The following RCL1 variants were observed in gnomAD, a reference collection of about 807,000 sequenced individuals.
RCL1 encodes the protein RNA terminal phosphate cyclase like 1.
Under a neutral mutation model 42.4 loss-of-function variants are expected in RCL1, and 24 were observed. The ratio of observed to expected loss-of-function variants is 0.57; its 90% CI spans 0.41 to 0.80. RCL1 has a LOEUF of 0.80. Ranked by LOEUF, RCL1 falls within the 30% of genes least tolerant of loss-of-function variation. The probability of loss-of-function intolerance (pLI) is 0.00; values close to 1 mark genes in which losing one functional copy is unlikely to be tolerated. For missense variants in RCL1, 578 were observed against 467.9 expected (o/e 1.24, Z -2.17); for synonymous variants, 228 against 177.3 (o/e 1.29, Z -2.27).
intron 1 of RCL1, 76 bp from the exon 2 acceptor site, chr9:4,823,472 A>C: frequency 1.8e-6 from 2 of 1,120,778 alleles, no homozygotes; most frequent in Admixed American, 1.9e-5. Flanking sequence ...TGAATCAGGC[A>C]TGTGCTCTGG....
At chr9:4,828,782 C>T (rs1816854799) in intron 3 of RCL1, among the ~76,000 whole-genome samples, 1 of 151,992 alleles carries the variant, frequency 6.6e-6, no homozygotes, top group African/African-American at 2.4e-5. Flanking sequence ...TATATGCTAA[C>T]AGTGACAAAA....
intron 7 of RCL1, among the ~76,000 whole-genome samples, chr9:4,846,200 C>G (rs547846005): frequency 1.3e-5 from 2 of 152,298 alleles, no homozygotes; most frequent in Admixed American, 6.5e-5. Flanking sequence ...TGAGAATGAG[C>G]TGTTTCAGAA....
rs754663476 is a variant in RCL1 at position 4,793,066 on chromosome 9, C to G, written c.-26C>G. 3.7e-6 allele frequency: 6 copies of G among 1,603,062 alleles called. No homozygotes were observed. Among genetic ancestry groups the G allele is most frequent in the Non-Finnish European group, 5.1e-6 (6 of 1,175,278 alleles). ...GTCCGAAGTCGCCGCTCTCGGGCTG[C>G]TCACGTCTCTTCGGAGAGCGCGCAC... On this transcript the variant is annotated 5_prime_UTR_variant, in exon 1 of 9. Coordinates refer to ENST00000381750, the MANE Select transcript of RCL1 (RefSeq NM_005772.5).
At chr9:4,841,878 T>A (rs1817342800) in intron 6 of RCL1, among the ~76,000 whole-genome samples, 1 of 152,146 alleles carries the variant, frequency 6.6e-6, no homozygotes, top group Non-Finnish European at 1.5e-5. Flanking sequence ...AAATTCTAAG[T>A]AAGGAAAATA....
chr9:4,836,326 G>C (rs749760985), intron 5 of RCL1, among the ~76,000 whole-genome samples: 7 of 152,012 alleles, frequency 4.6e-5, no homozygotes, highest in Non-Finnish European at 1.0e-4. Flanking sequence ...GTGGGTGCTG[G>C]AGCATTGGGA....
intron 1 of RCL1, among the ~76,000 whole-genome samples, chr9:4,807,835 A>C (rs977141580): frequency 6.6e-6 from 1 of 152,142 alleles, no homozygotes; most frequent in Non-Finnish European, 1.5e-5. Flanking sequence ...GGTCATTTAT[A>C]AGTCTGTTGT....
chr9:4,844,366 T>C (rs956745761), intron 6 of RCL1, among the ~76,000 whole-genome samples, 159 bp from the exon 7 acceptor site: 2 of 152,214 alleles, frequency 1.3e-5, no homozygotes, highest in African/African-American at 4.8e-5. Context: ...TCTGGTCAGC[T>C]AGTAAACTAG....
intron 1 of RCL1, among the ~76,000 whole-genome samples, chr9:4,807,711 G>T (rs1816027766): frequency 6.6e-6 from 1 of 152,088 alleles, no homozygotes; most frequent in African/African-American, 2.4e-5. Flanking sequence ...TAGAGACAGG[G>T]TTTCTCCGTG....
intron 1 of RCL1, among the ~76,000 whole-genome samples, chr9:4,813,024 T>G (rs1406246269): frequency 6.6e-6 from 1 of 152,222 alleles, no homozygotes; most frequent in Non-Finnish European, 1.5e-5. Context: ...CGGGAACAGC[T>G]TAACTTCCTC....
intron 1 of RCL1, among the ~76,000 whole-genome samples, chr9:4,814,949 G>A (rs1439352041): frequency 6.6e-6 from 1 of 151,898 alleles, no homozygotes; most frequent in East Asian, 1.9e-4. Flanking sequence ...TTCTCTCATG[G>A]TCTATAAGGT....
At chr9:4,823,433 G>A (rs892530647) in intron 1 of RCL1, 115 bp from the exon 2 acceptor site, 6 of 725,152 alleles carry the variant, frequency 8.3e-6, no homozygotes, top group Non-Finnish European at 1.4e-5. Flanking sequence ...GTGTGATGCA[G>A]GAAGTAACCT....
intron 1 of RCL1, among the ~76,000 whole-genome samples, chr9:4,802,721 T>A (rs191432232): frequency 6.6e-6 from 1 of 152,336 alleles, no homozygotes; most frequent in Non-Finnish European, 1.5e-5. Flanking sequence ...TAGAAAAAAA[T>A]TTTATTCTGT....
intron 1 of RCL1, among the ~76,000 whole-genome samples, chr9:4,820,617 G>A (rs1816562732): frequency 6.6e-6 from 1 of 152,062 alleles, no homozygotes; most frequent in Non-Finnish European, 1.5e-5. Context: ...AAATCTGTGG[G>A]GTTTAATCTT....
rs746162954 is a variant in RCL1, at chr9:4,860,262, A to G, written c.1109A>G (p.Lys370Arg). Residue 370 changes from lysine to arginine, a missense_variant, in exon 9 of 9, where the codon AAG becomes AGG. Physicochemically the swap from Lys to Arg is conservative, Grantham distance 26. Coordinates refer to ENST00000381750, the MANE Select transcript of RCL1 (RefSeq NM_005772.5). The stretch of plus-strand genomic sequence containing the variant: ...GGCATTGGTTTCTCCAACCTTAGCA[A>G]GACCCTCAAGTGATAACCATCACAA... ...CVGIGFSNLSKTLK is the reference protein window; with the variant it reads ...CVGIGFSNLSRTLK 1 of 1,613,202 alleles carries G rather than the reference A, an allele frequency of 6.2e-7. No homozygotes were observed. Among genetic ancestry groups the G allele is most frequent in the East Asian group, 2.2e-5 (1 of 44,830 alleles).
At chr9:4,834,707 CT>C (rs142185230) in intron 5 of RCL1, among the ~76,000 whole-genome samples, 5,929 of 152,004 alleles carry the variant, frequency 0.039, 364 homozygotes, top group African/African-American at 0.13. Flanking sequence ...TCAATTTTGT[CT>C]GGAGGACCTA....
intron 1 of RCL1, among the ~76,000 whole-genome samples, chr9:4,810,288 A>G (rs1474242359): frequency 6.6e-6 from 1 of 152,214 alleles, no homozygotes; most frequent in Non-Finnish European, 1.5e-5. Flanking sequence ...GCTATTACCC[A>G]TGAAAAGAAA....
intron 8 of RCL1, among the ~76,000 whole-genome samples, chr9:4,850,931 A>G (rs1817724331): frequency 6.6e-6 from 1 of 152,002 alleles, no homozygotes; most frequent in African/African-American, 2.4e-5. Flanking sequence ...GGTATGAGGT[A>G]TGGGGTGTTG....
At chr9:4,819,097 A>G (rs1403940811) in intron 1 of RCL1, among the ~76,000 whole-genome samples, 1 of 152,218 alleles carries the variant, frequency 6.6e-6, no homozygotes, top group African/African-American at 2.4e-5. Flanking sequence ...ATTTTAAGAA[A>G]TATGCACATG....
At chr9:4,844,809 A>G in intron 7 of RCL1, 128 bp downstream of exon 7, 2 of 914,064 alleles carry the variant, frequency 2.2e-6, no homozygotes. Flanking sequence ...CCTGTGCATT[A>G]AGCAGTTCAG....
Sources: gnomAD v4.1 joint callset for allele counts (sites outside exome capture counted in the v4.1 genomes callset) on GRCh38, gnomAD v4.1.1 for gene constraint, MANE v1.5 for transcripts, NCBI Gene and HGNC (gene_info 2026-07-23, HGNC 2026-07-21) for gene names.